The following CATSPERT variants were observed in gnomAD, a reference collection of about 807,000 sequenced individuals.
CATSPERT encodes the protein catsper channel auxiliary subunit tau.
chr2:201,569,117 A>AT, the CATSPERT span, among the ~76,000 whole-genome samples: 3 of 152,198 alleles, frequency 2.0e-5, no homozygotes, highest in Admixed American at 1.3e-4. Context: ...GTAAAAGGCC[A>AT]TAGGTCCCTT....
At chr2:201,560,271 T>C in the CATSPERT span, among the ~76,000 whole-genome samples, 1 of 151,686 alleles carries the variant, frequency 6.6e-6, no homozygotes, top group East Asian at 1.9e-4. Context: ...CTAGTAAAAA[T>C]ACAAAAATTA....
chr2:201,516,719 A>G, the CATSPERT span, among the ~76,000 whole-genome samples: 1 of 149,370 alleles, frequency 6.7e-6, no homozygotes, highest in African/African-American at 2.5e-5. Flanking sequence ...TGCTTAAACC[A>G]TATTAATTGA....
the CATSPERT span, chr2:201,545,670 T>C: frequency 4.5e-6 from 4 of 896,162 alleles, no homozygotes; most frequent in African/African-American, 1.9e-5. Flanking sequence ...AAAATATATA[T>C]GGGAAAATAT....
At chr2:201,537,349 T>G in the CATSPERT span, 1 of 1,154,142 alleles carries the variant, frequency 8.7e-7, no homozygotes, top group African/African-American at 1.6e-5. Flanking sequence ...GATGCCTTTC[T>G]CTATCTATAA....
chr2:201,562,428 C>G, the CATSPERT span, among the ~76,000 whole-genome samples: 64,005 of 151,048 alleles, frequency 0.42, 14,155 homozygotes, highest in East Asian at 0.75. Context: ...ACCTCGTGAT[C>G]CACCCGCCTC....
chr2:201,568,162 G>A, the CATSPERT span, among the ~76,000 whole-genome samples: 1 of 152,140 alleles, frequency 6.6e-6, no homozygotes, highest in African/African-American at 2.4e-5. Context: ...AAATTTCACT[G>A]AGGTAGAAGG....
At chr2:201,536,009 C>A in the CATSPERT span, 2 of 1,612,494 alleles carry the variant, frequency 1.2e-6, no homozygotes, top group East Asian at 4.5e-5. Flanking sequence ...TACAGATACT[C>A]CTCAAATTTA....
chr2:201,585,584 A>G, the CATSPERT span, among the ~76,000 whole-genome samples: 3 of 152,158 alleles, frequency 2.0e-5, no homozygotes, highest in Non-Finnish European at 4.4e-5. Flanking sequence ...AATATAGACT[A>G]TATTAAATAA....
chr2:201,596,124 G>A, the CATSPERT span, among the ~76,000 whole-genome samples: 144 of 152,216 alleles, frequency 9.5e-4, 1 homozygote, highest in African/African-American at 3.3e-3. Context: ...ATACATGCAC[G>A]TATATGCTCA....
At chr2:201,493,537 A>G in the CATSPERT span, 4 of 1,536,874 alleles carry the variant, frequency 2.6e-6, no homozygotes, top group Admixed American at 3.9e-5. Flanking sequence ...AAGTGTATCT[A>G]TAGGAAATGC....
chr2:201,619,154 T>A, the CATSPERT span: 1 of 1,611,778 alleles, frequency 6.2e-7, no homozygotes, highest in South Asian at 1.1e-5. Context: ...GCGGCCTGTC[T>A]GCGCCCAACC....
the CATSPERT span, among the ~76,000 whole-genome samples, chr2:201,569,197 C>T: frequency 2.6e-4 from 39 of 152,200 alleles, no homozygotes; most frequent in African/African-American, 8.4e-4. Flanking sequence ...CCTTGAAGGA[C>T]CTCCCTTTCA....
chr2:201,537,391 T>G, the CATSPERT span: 1 of 1,431,780 alleles, frequency 7.0e-7, no homozygotes, highest in South Asian at 1.3e-5. Flanking sequence ...TTTTATCCCT[T>G]TATAAAATAA....
the CATSPERT span, among the ~76,000 whole-genome samples, chr2:201,538,666 T>A: frequency 1.4e-4 from 22 of 152,284 alleles, no homozygotes; most frequent in African/African-American, 2.4e-4. Context: ...AAACTTTTTT[T>A]ATAAAAATTT....
At chr2:201,509,410 C>T in the CATSPERT span, among the ~76,000 whole-genome samples, 9 of 150,756 alleles carry the variant, frequency 6.0e-5, no homozygotes, top group Non-Finnish European at 1.0e-4. Flanking sequence ...TGCAAATGTT[C>T]GCTACCATTC....
the CATSPERT span, among the ~76,000 whole-genome samples, chr2:201,589,135 C>T: frequency 6.6e-6 from 1 of 152,110 alleles, no homozygotes; most frequent in Non-Finnish European, 1.5e-5. Context: ...ACATTCCATG[C>T]TCATGCATAG....
At chr2:201,581,991 C>T in the CATSPERT span, 2 of 1,346,154 alleles carry the variant, frequency 1.5e-6, no homozygotes, top group Non-Finnish European at 2.0e-6. Context: ...AATTTGAAGG[C>T]AGATAATAAA....
At chr2:201,603,979 T>C in the CATSPERT span, among the ~76,000 whole-genome samples, 3 of 152,204 alleles carry the variant, frequency 2.0e-5, no homozygotes, top group Admixed American at 6.5e-5. Context: ...ACCACTCTAA[T>C]AGTGTTCAGA....
chr2:201,530,021 C>G, the CATSPERT span, among the ~76,000 whole-genome samples: 1 of 152,108 alleles, frequency 6.6e-6, no homozygotes, highest in African/African-American at 2.4e-5. Context: ...TATCTCTGAT[C>G]ATCAGAGAAA....
Sources: allele counts gnomAD v4.1 joint callset (sites outside exome capture counted in the v4.1 genomes callset), GRCh38; gene constraint gnomAD v4.1.1; transcripts MANE v1.5; gene names NCBI Gene and HGNC (gene_info 2026-07-23, HGNC 2026-07-21).